CYP27C1: variants seen among roughly 807,000 people sequenced by gnomAD.
CYP27C1 encodes cytochrome P450 27C1.
CYP27C1 carries 29 observed loss-of-function variants against 40.6 expected under a neutral mutation model. That is an observed-to-expected ratio of 0.71 (90% CI 0.53 to 0.97). The LOEUF is 0.97. Ranked by LOEUF, CYP27C1 falls within the 50% of genes least tolerant of loss-of-function variation. The pLI, the probability that CYP27C1 is intolerant of heterozygous loss-of-function variation, is 0.00. For missense variants in CYP27C1, 390 were observed against 485.8 expected, an observed-to-expected ratio of 0.80 and a Z score of 1.85; for synonymous variants, 198 against 186.8, an observed-to-expected ratio of 1.06 and a Z score of -0.49.
rs1682893564 is a variant in CYP27C1, at chr2:127,195,910, C to T, written c.1048-409G>A. Among the ~76,000 whole-genome samples the T allele has an allele frequency of 6.6e-6, 1 of 152,118 alleles. No individual in the cohort carries two copies. Among genetic ancestry groups the T allele is most frequent in the South Asian group, 2.1e-4 (1 of 4,824 alleles). ...TGCCAGAAAGGGCCTCAGGCTGCCC[C>T]CCGGCATCCCCAGGATGCTGGGCCC... is the stretch of plus-strand genomic sequence containing the variant. On this transcript the variant is annotated intron_variant, in intron 5 of 8. Coordinates refer to ENST00000664447, the MANE Select transcript of CYP27C1 (RefSeq NM_001367502.1). The surrounding 1 kb of genome is among the most constrained non-coding windows in gnomAD (Gnocchi z 6.2).
Position 127,219,375 on chromosome 2 carries a change from C to T in CYP27C1, c.282+614G>A, listed in dbSNP as rs1015735105. On this transcript the variant is annotated intron_variant, in intron 1 of 8. Coordinates refer to ENST00000664447, the MANE Select transcript of CYP27C1 (RefSeq NM_001367502.1). The surrounding 1 kb of genome is among the most constrained non-coding windows in gnomAD (Gnocchi z 8.7). ...TCCGGGACCTCAGCCCTGGTGCCCT[C>T]CCCGCAGTCCCATTCCTGGTTTCCC... 3.9e-5 allele frequency among the ~76,000 whole-genome samples: 6 copies of T among 152,052 alleles called. No individual in the cohort carries two copies. Among genetic ancestry groups the T allele is most frequent in the Non-Finnish European group, 8.8e-5 (6 of 68,000 alleles).
At chr2:127,216,747 T>C (rs1035231260) in intron 1 of CYP27C1, among the ~76,000 whole-genome samples, 5 of 152,174 alleles carry the variant, frequency 3.3e-5, no homozygotes, top group African/African-American at 7.2e-5. Context: ...ATTATTCAGT[T>C]AAAACACAAA....
In CYP27C1 at chr2:127,202,635, T is replaced by C. The variant is rs930254052; in HGVS notation, c.673+737A>G. ...CACTGAAGCCTTTTTGGTATTGCTA[T>C]TTGAACAGGAATGTACCACTCATTC... On this transcript the variant is annotated intron_variant, in intron 3 of 8. Transcript: ENST00000664447. Among the ~76,000 whole-genome samples the C allele has an allele frequency of 4.1e-4, 63 of 152,216 alleles. 1 individual carries two copies. The highest frequency in any genetic ancestry group is 1.4e-3 in the African/African-American group (60 of 41,452).
chr2:127,215,019 C>T lies in CYP27C1; in HGVS notation c.282+4970G>A, dbSNP rs562399284. ...TGGCGGGCGCCTGTAGTCCCAGCTA[C>T]TCGGGAGGCTGAGGCAGGAGAACGG... On this transcript the variant is annotated intron_variant, in intron 1 of 8. Coordinates refer to ENST00000664447, the MANE Select transcript of CYP27C1 (RefSeq NM_001367502.1). Among the ~76,000 whole-genome samples, 535 of 151,400 alleles carry T rather than the reference C, an allele frequency of 3.5e-3. 4 individuals are homozygous for T. Among genetic ancestry groups the T allele is most frequent in the African/African-American group, 0.012 (496 of 41,286 alleles).
rs545576101 is a variant in CYP27C1, at chr2:127,220,143, G to A, written c.128C>T (p.Ala43Val). 6.0e-4 allele frequency: 90 copies of A among 149,218 alleles called. 1 individual carries two copies. Among genetic ancestry groups the A allele is most frequent in the African/African-American group, 2.2e-3 (89 of 41,120 alleles). 9.2% of individuals were successfully genotyped at this position (149,218 alleles called of 1,614,324 possible). Residue 43 changes from alanine to valine, a missense_variant, in exon 1 of 9, where the codon GCC becomes GTC. Transcript: ENST00000664447. This position sits in a 1 kb window ranked among gnomAD's most constrained non-coding sequence, Gnocchi z 4.6. ...CGGCCGCCCGGCGCCTTTGTCCTCG[G>A]CCCGCGCCCCCGCCGGGAGCCGTGC... ...AGARLPAGARAEDKGAGRPGS... is the reference protein window; with the variant it reads ...AGARLPAGARVEDKGAGRPGS...
intron 3 of CYP27C1, among the ~76,000 whole-genome samples, chr2:127,202,312 G>C (rs1683053438): frequency 6.6e-6 from 1 of 152,158 alleles, no homozygotes; most frequent in African/African-American, 2.4e-5. Flanking sequence ...TTTTAGTAGA[G>C]ACAGGGTTTC....
At chr2:127,217,408 T>C (rs1683451941) in intron 1 of CYP27C1, among the ~76,000 whole-genome samples, 2 of 152,222 alleles carry the variant, frequency 1.3e-5, no homozygotes, top group South Asian at 4.1e-4. Flanking sequence ...ATACTGATCG[T>C]TATTATTTGT....
Position 127,204,477 on chromosome 2 carries a change from AAAGAAAGAAAGGAAGG to A in CYP27C1, c.474-922_474-907del, listed in dbSNP as rs1481396357. 7.5e-4 allele frequency among the ~76,000 whole-genome samples: 48 copies of A among 63,962 alleles called. 5 individuals carry two copies. Among genetic ancestry groups the A allele is most frequent in the African/African-American group, 2.1e-3 (34 of 16,416 alleles). 42.0% of individuals were successfully genotyped at this position (63,962 alleles called of 152,430 possible). ...GAAAGAAAGAAAGAAAGAAAGAAAGAAAGAAAGAAAGGAAGGAAGGAAGGAAGGAAAGAAAGAAGGA... is the reference window on the plus strand; with the variant it reads ...GAAAGAAAGAAAGAAAGAAAGAAAGAAAGGAAGGAAGGAAAGAAAGAAGGA... On this transcript the variant is annotated intron_variant, in intron 2 of 8. Transcript: ENST00000664447.
In CYP27C1 at chr2:127,195,513, A is replaced by C; in HGVS notation, c.1048-12T>G. The stretch of plus-strand genomic sequence containing the variant: ...AAGGTGAAGGACGTCTAAGGAGAGA[A>C]AGTGGCAGACACAGGCAGGCAGTGA... On this transcript the variant is annotated splice_polypyrimidine_tract_variant and intron_variant, in intron 5 of 8. Transcript: ENST00000664447. The surrounding 1 kb of genome is among the most constrained non-coding windows in gnomAD (Gnocchi z 6.2). 1 of 1,613,406 alleles carries C rather than the reference A, an allele frequency of 6.2e-7. No homozygotes were observed. The highest frequency in any genetic ancestry group is 1.1e-5 in the South Asian group (1 of 90,984).
chr2:127,192,949 C>T, intron 8 of CYP27C1, 145 bp downstream of exon 8: 3 of 1,056,720 alleles, frequency 2.8e-6, no homozygotes, highest in Non-Finnish European at 4.0e-6. Flanking sequence ...TAGCTGGGAC[C>T]ACAGGTGTGA....
intron 5 of CYP27C1, among the ~76,000 whole-genome samples, chr2:127,197,184 A>C (rs1218987708): frequency 6.6e-6 from 1 of 152,140 alleles, no homozygotes; most frequent in Admixed American, 6.6e-5. Flanking sequence ...GTGGTGTCTT[A>C]ATTTGAGCGA....
chr2:127,199,578 T>C, intron 4 of CYP27C1, 39 bp from the exon 5 acceptor site: 1 of 1,568,244 alleles, frequency 6.4e-7, no homozygotes, highest in Non-Finnish European at 8.7e-7. Context: ...GGAGTTTGGG[T>C]TGAGAATCAT....
chr2:127,204,595 AAGAAAGAAAG>A (rs1683177110), intron 2 of CYP27C1, among the ~76,000 whole-genome samples: 1 of 97,752 alleles, frequency 1.0e-5, no homozygotes, highest in African/African-American at 4.3e-5. Flanking sequence ...GAAAGAAAGA[AAGAAAGAAAG>A]AAAGAAAGAA....
Position 127,204,423 on chromosome 2 carries a change from G to A in CYP27C1, c.474-852C>T, listed in dbSNP as rs1351801716. Among the ~76,000 whole-genome samples, 8 of 103,442 alleles carry A rather than the reference G, an allele frequency of 7.7e-5. No individual in the cohort carries two copies. The East Asian group carries it at 1.4e-3, about 18-fold the overall frequency. 67.9% of individuals were successfully genotyped at this position (103,442 alleles called of 152,430 possible). A position where few individuals can be genotyped will look rare whatever the true frequency, so the allele number is the denominator to read the frequency against. ...GAGAGAGAAAGAAAGAAAAGAAAGAGAGAAAGGAAAGAAAGAAAAAGAAAG... is the reference window on the plus strand; with the variant it reads ...GAGAGAGAAAGAAAGAAAAGAAAGAAAGAAAGGAAAGAAAGAAAAAGAAAG... On this transcript the variant is annotated intron_variant, in intron 2 of 8. Transcript: ENST00000664447.
At chr2:127,188,654 G>T (rs965513840) in intron 8 of CYP27C1, among the ~76,000 whole-genome samples, 3 of 145,702 alleles carry the variant, frequency 2.1e-5, no homozygotes, top group African/African-American at 8.5e-5. Context: ...GTTGATCTTG[G>T]TTCGTACCTT....
intron 1 of CYP27C1, among the ~76,000 whole-genome samples, chr2:127,210,086 G>C (rs1285960169): frequency 3.9e-5 from 6 of 152,164 alleles, no homozygotes; most frequent in Admixed American, 3.3e-4. Context: ...AGGTTGAAAT[G>C]AAGGAAAAAC....
rs768876498 is a variant in CYP27C1 at position 127,199,389 on chromosome 2, G to C, written c.1034C>G (p.Ala345Gly). ...CCCCAGACTCACCGTGTCGACGCCG[G>C]CCAGCAGCATCTCAGTCACGTTGGC... Reference protein sequence around the residue: ...IYANVTEMLLAGVDTTSFTLS... With the variant: ...IYANVTEMLLGGVDTTSFTLS... Residue 345 changes from alanine (A) to glycine (G), a missense_variant, in exon 5 of 9, where the codon GCC (alanine) becomes GGC (glycine). Coordinates refer to ENST00000664447, the MANE Select transcript of CYP27C1 (RefSeq NM_001367502.1). 3.1e-6 allele frequency: 5 copies of C among 1,613,932 alleles called. No individual in the cohort carries two copies. In the African/African-American group the frequency reaches 6.7e-5, roughly 22 times the overall value.
chr2:127,189,800 A>G (rs1682723328), intron 8 of CYP27C1, among the ~76,000 whole-genome samples: 2 of 152,296 alleles, frequency 1.3e-5, no homozygotes, highest in South Asian at 2.1e-4. Flanking sequence ...GCATTCCTGA[A>G]TACACCTGAT....
intron 5 of CYP27C1, among the ~76,000 whole-genome samples, chr2:127,197,933 C>T (rs1428982793): frequency 6.6e-6 from 1 of 152,056 alleles, no homozygotes; most frequent in Non-Finnish European, 1.5e-5. Flanking sequence ...TCCCTCCACG[C>T]GCTGCTCTGT....
Sources: gnomAD v4.1 joint callset for allele counts (sites outside exome capture counted in the v4.1 genomes callset) on GRCh38, gnomAD v4.1.1 for gene constraint, Gnocchi (gnomAD v3.1) non-coding constraint, MANE v1.5 for transcripts, NCBI Gene and HGNC (gene_info 2026-07-23, HGNC 2026-07-21) for gene names.